Variants in LRRC9 observed in about 807,000 individuals in gnomAD.
LRRC9 encodes leucine-rich repeat-containing protein 9.
Under a neutral mutation model 63.2 loss-of-function variants are expected in LRRC9, and 122 were observed. That is an observed-to-expected ratio of 1.93 (90% CI 1.67 to 2.24). LRRC9 has a LOEUF of 2.24. Among genes scored for constraint, LRRC9 ranks in the 30% most tolerant of loss-of-function variants. The pLI is 0.00. For synonymous variants in LRRC9, 366 were observed against 213.1 expected (o/e 1.72, Z -6.25); for missense variants, 1,071 against 627.7 (o/e 1.71, Z -7.55).
At chr14:60,035,608 A>C (rs910891246) in intron 29 of LRRC9, among the ~76,000 whole-genome samples, 2 of 152,128 alleles carry the variant, frequency 1.3e-5, no homozygotes, top group Non-Finnish European at 2.9e-5. Context: ...TCATTTTCTT[A>C]TTGTAAGTTC....
intron 29 of LRRC9, among the ~76,000 whole-genome samples, chr14:60,049,161 T>A (rs963911290): frequency 6.6e-6 from 1 of 152,148 alleles, no homozygotes; most frequent in African/African-American, 2.4e-5. Context: ...TATATTACAA[T>A]CTCCCAACCA....
chr14:60,041,871 C>A (rs1458281379), intron 29 of LRRC9, among the ~76,000 whole-genome samples: 1 of 152,150 alleles, frequency 6.6e-6, no homozygotes, highest in African/African-American at 2.4e-5. Flanking sequence ...TTTTCCCCAT[C>A]TTTGTGGTTT....
chr14:59,923,069 G>A lies in LRRC9; in HGVS notation c.-34+3186G>A, dbSNP rs1040138992. Among the ~76,000 whole-genome samples the A allele has an allele frequency of 6.6e-6, 1 of 152,150 alleles. No individual in the cohort carries two copies. The highest frequency in any genetic ancestry group is 1.5e-5 in the Non-Finnish European group (1 of 68,012). On this transcript the variant is annotated intron_variant, in intron 1 of 31. Transcript: ENST00000445360. This position sits in a 1 kb window ranked among gnomAD's most constrained non-coding sequence, Gnocchi z 4.2. ...AATGGGCCAGCCCTGAAAGAGCTTC[G>A]AAGAGCAGGAGAGTAGTTACAAGCT...
At chr14:59,944,504 A>G (rs1882127042) in intron 7 of LRRC9, 85 bp from the exon 8 acceptor site, 1 of 469,044 alleles carries the variant, frequency 2.1e-6, no homozygotes, top group South Asian at 4.8e-5. Flanking sequence ...TGTTATATAG[A>G]ACATACTGTA....
chr14:59,963,059 T>C (rs1884500299), intron 10 of LRRC9, among the ~76,000 whole-genome samples: 1 of 152,234 alleles, frequency 6.6e-6, no homozygotes, highest in East Asian at 1.9e-4. Flanking sequence ...TTTAAATTGC[T>C]ATGCTACATT....
chr14:59,954,551 A>C (rs1052308974), intron 8 of LRRC9, among the ~76,000 whole-genome samples: 1 of 152,118 alleles, frequency 6.6e-6, no homozygotes, highest in Non-Finnish European at 1.5e-5. Context: ...CAGCTTAAGG[A>C]GTTTTGGGCT....
chr14:60,058,034 A>C lies in LRRC9; in HGVS notation c.4276+12A>C, dbSNP rs1894409777. ...TCCTGAAGTTGAAGGTATTTTGACA[A>C]TTTCAGATAGAATGTAAAAGAATCA... On this transcript the variant is annotated intron_variant, in intron 31 of 31. Coordinates refer to ENST00000445360, the Ensembl canonical transcript of LRRC9. The surrounding 1 kb of genome is among the most constrained non-coding windows in gnomAD (Gnocchi z 4.4). 1.7e-6 allele frequency: 1 copy of C among 593,204 alleles called. No homozygotes were observed. Among genetic ancestry groups the C allele is most frequent in the South Asian group, 2.0e-5 (1 of 49,342 alleles). 36.7% of individuals were successfully genotyped at this position (593,204 alleles called of 1,614,324 possible). A position where few individuals can be genotyped will look rare whatever the true frequency, so the allele number is the denominator to read the frequency against.
chr14:60,011,357 C>G (rs971484237), intron 23 of LRRC9, among the ~76,000 whole-genome samples: 4 of 152,152 alleles, frequency 2.6e-5, no homozygotes, highest in African/African-American at 7.2e-5. Context: ...CCCACTGGGT[C>G]CCTCCCACAA....
chr14:59,968,073 A>G (rs1051538191), intron 12 of LRRC9, among the ~76,000 whole-genome samples: 1 of 152,254 alleles, frequency 6.6e-6, no homozygotes, highest in African/African-American at 2.4e-5. Context: ...TATACATACA[A>G]TGGAATGCTA....
intron 17 of LRRC9, among the ~76,000 whole-genome samples, chr14:59,993,429 A>G (rs1363111524): frequency 1.3e-5 from 2 of 152,212 alleles, no homozygotes; most frequent in African/African-American, 4.8e-5. Flanking sequence ...ACCAGCTAAC[A>G]TCATAATGAC....
chr14:59,959,888 T>A lies in LRRC9; in HGVS notation c.953T>A (p.Val318Glu). ...AGTGATGGATCCAATAACAGTAAAG[T>A]AACTGATCCTGAAACACTGAAGAGT... The change falls in exon 9 of 32, where the codon GTA (valine) becomes GAA (glutamate). Residue 318 changes from valine to glutamate, a missense_variant. By Grantham distance (121) the Val-to-Glu change is moderately radical. Transcript: ENST00000445360. 8.6e-6 allele frequency: 6 copies of A among 699,620 alleles called. No homozygotes were observed. In the South Asian group the frequency reaches 9.0e-5, roughly 10 times the overall value. 43.3% of individuals were successfully genotyped at this position (699,620 alleles called of 1,614,324 possible). A position where few individuals can be genotyped will look rare whatever the true frequency, so the allele number is the denominator to read the frequency against.
intron 1 of LRRC9, among the ~76,000 whole-genome samples, chr14:59,926,397 C>A (rs1347761780): frequency 6.6e-6 from 1 of 151,842 alleles, no homozygotes; most frequent in African/African-American, 2.4e-5. Context: ...ATGTATATGC[C>A]AGCACATGTA....
intron 31 of LRRC9, among the ~76,000 whole-genome samples, chr14:60,059,584 T>C (rs780996343): frequency 3.3e-5 from 5 of 152,154 alleles, no homozygotes; most frequent in Non-Finnish European, 7.4e-5. Context: ...ATTGAAACAA[T>C]CTTATTGCTG....
rs978627256 is a variant in LRRC9 at position 60,063,457 on chromosome 14, A to C, written c.*49A>C. 3 of 655,054 alleles carry C rather than the reference A, an allele frequency of 4.6e-6. No individual in the cohort carries two copies. The African/African-American group carries it at 5.5e-5, about 12-fold the overall frequency. 40.6% of individuals were successfully genotyped at this position (655,054 alleles called of 1,614,324 possible). A position where few individuals can be genotyped will look rare whatever the true frequency, so the allele number is the denominator to read the frequency against. On this transcript the variant is annotated 3_prime_UTR_variant, in exon 32 of 32. Transcript: ENST00000445360. ...AGTGGTCAGTTAAAAAAAAAAAAAA[A>C]AGATAATCATGTTACTTAAGTTACT...
exon 8 of LRRC9, chr14:59,944,663 T>G (rs1882150662): frequency 1.5e-6 from 1 of 665,782 alleles, no homozygotes; most frequent in Non-Finnish European, 2.7e-6. Flanking sequence ...AAGAAGACCT[T>G]GAAAAACTGA....
At chr14:60,029,812 G>C (rs540058877) in intron 28 of LRRC9, among the ~76,000 whole-genome samples, 1 of 152,060 alleles carries the variant, frequency 6.6e-6, no homozygotes, top group Non-Finnish European at 1.5e-5. Context: ...GAGCATTATT[G>C]ATTATTTAAT....
chr14:59,986,203 TTTTATTTTGTTATACA>T lies in LRRC9; in HGVS notation c.2211+981_2211+996del, dbSNP rs1442309879. Among the ~76,000 whole-genome samples, 1 of 152,218 alleles carries T rather than the reference TTTTATTTTGTTATACA, an allele frequency of 6.6e-6. No individual in the cohort carries two copies. The highest frequency in any genetic ancestry group is 2.4e-5 in the African/African-American group (1 of 41,456). ...CACATAGGCATGGATATTGTCTGGCTTTTATTTTGTTATACATCATATAACAAAAATAATTACATAT... is the reference window on the plus strand; with the variant it reads ...CACATAGGCATGGATATTGTCTGGCTTCATATAACAAAAATAATTACATAT... On this transcript the variant is annotated intron_variant, in intron 17 of 31. Coordinates refer to ENST00000445360, the Ensembl canonical transcript of LRRC9. The surrounding 1 kb of genome is among the most constrained non-coding windows in gnomAD (Gnocchi z 4.7).
intron 16 of LRRC9, among the ~76,000 whole-genome samples, chr14:59,983,343 A>G (rs1485376210): frequency 6.6e-6 from 1 of 152,218 alleles, no homozygotes; most frequent in Non-Finnish European, 1.5e-5. Context: ...AATAAGAGCA[A>G]TCTTCTGGCT....
rs1889286523 is a variant in LRRC9 at position 59,927,281 on chromosome 14, T to C, written c.-33-630T>C. 6.6e-6 allele frequency among the ~76,000 whole-genome samples: 1 copy of C among 152,080 alleles called. No homozygotes were observed. Among genetic ancestry groups the C allele is most frequent in the African/African-American group, 2.4e-5 (1 of 41,446 alleles). On this transcript the variant is annotated intron_variant, in intron 1 of 31. Coordinates refer to ENST00000445360, the Ensembl canonical transcript of LRRC9. The surrounding 1 kb of genome is among the most constrained non-coding windows in gnomAD (Gnocchi z 4.4). ...AGGCAGGATTCTTATATTTTTTAGATAGTATGTATCTGGAATAATATACAG... is the reference window on the plus strand; with the variant it reads ...AGGCAGGATTCTTATATTTTTTAGACAGTATGTATCTGGAATAATATACAG...
Sources: allele counts gnomAD v4.1 joint callset (sites outside exome capture counted in the v4.1 genomes callset), GRCh38; gene constraint gnomAD v4.1.1; non-coding constraint Gnocchi (gnomAD v3.1); transcripts MANE v1.5; gene names NCBI Gene and HGNC (gene_info 2026-07-23, HGNC 2026-07-21).